The following SEMA5A variants were observed in gnomAD, a reference collection of about 807,000 sequenced individuals.
SEMA5A encodes semaphorin-5A.
In SEMA5A, 55 loss-of-function variants were observed where a neutral mutation model predicts 135.5. The observed-to-expected ratio is 0.41, with a 90% CI of 0.33 to 0.51. SEMA5A has a LOEUF of 0.51. SEMA5A is among the 20% of genes least tolerant of loss of function. The pLI, the probability that SEMA5A is intolerant of heterozygous loss-of-function variation, is 0.37. For synonymous variants in SEMA5A, 580 were observed against 546.5 expected (o/e 1.06, Z -0.85); for missense variants, 1,290 against 1,419.9 (o/e 0.91, Z 1.47).
chr5:9,461,134 C>G (rs1759042591), intron 1 of SEMA5A, among the ~76,000 whole-genome samples: 1 of 152,156 alleles, frequency 6.6e-6, no homozygotes, highest in African/African-American at 2.4e-5. Context: ...ATACACTTAG[C>G]ATAGAGATTT....
chr5:9,156,483 T>C (rs1447833588), intron 11 of SEMA5A, among the ~76,000 whole-genome samples: 6 of 152,170 alleles, frequency 3.9e-5, no homozygotes, highest in Non-Finnish European at 7.3e-5. Context: ...GTGATGGGCA[T>C]AGAGCCTGTG....
At chr5:9,102,956 C>T (rs543799156) in intron 16 of SEMA5A, among the ~76,000 whole-genome samples, 1 of 152,194 alleles carries the variant, frequency 6.6e-6, no homozygotes, top group East Asian at 1.9e-4. Flanking sequence ...ACAGCTGAGA[C>T]TGTTGAGAAA....
intron 12 of SEMA5A, among the ~76,000 whole-genome samples, chr5:9,138,782 A>G (rs1741903518): frequency 6.6e-6 from 1 of 152,124 alleles, no homozygotes; most frequent in South Asian, 2.1e-4. Flanking sequence ...CTGAGTCCCC[A>G]AAGTCCATTG....
intron 5 of SEMA5A, chr5:9,265,667 G>A: frequency 4.9e-6 from 2 of 406,954 alleles, no homozygotes; most frequent in South Asian, 3.5e-5. Flanking sequence ...ACAAACAAAA[G>A]GAAATTAAAA....
chr5:9,267,328 G>T (rs1475919656), intron 5 of SEMA5A, among the ~76,000 whole-genome samples: 1 of 152,046 alleles, frequency 6.6e-6, no homozygotes, highest in Non-Finnish European at 1.5e-5. Context: ...TCAAGCTGTT[G>T]CCCGATCCAC....
intron 3 of SEMA5A, among the ~76,000 whole-genome samples, chr5:9,349,977 T>A (rs901171672): frequency 2.0e-5 from 3 of 152,094 alleles, no homozygotes; most frequent in African/African-American, 7.2e-5. Flanking sequence ...TCTTTGTGTA[T>A]GTGTATTCTA....
intron 11 of SEMA5A, among the ~76,000 whole-genome samples, chr5:9,165,518 G>T (rs977520880): frequency 6.6e-6 from 1 of 152,172 alleles, no homozygotes; most frequent in African/African-American, 2.4e-5. Context: ...TGGCACCCCT[G>T]ACAATGGTCA....
At chr5:9,226,735 A>G (rs1747330843) in intron 7 of SEMA5A, 134 bp downstream of exon 7, 1 of 534,722 alleles carries the variant, frequency 1.9e-6, no homozygotes, top group South Asian at 2.8e-5. Context: ...ATATTTATTC[A>G]ATTTGACAAA....
intron 16 of SEMA5A, among the ~76,000 whole-genome samples, chr5:9,097,021 A>G (rs943583098): frequency 4.6e-5 from 7 of 152,214 alleles, no homozygotes; most frequent in African/African-American, 1.7e-4. Context: ...TATAGTAATC[A>G]TATGACTATA....
chr5:9,410,274 G>T (rs951062707), intron 2 of SEMA5A, among the ~76,000 whole-genome samples: 1 of 152,094 alleles, frequency 6.6e-6, no homozygotes, highest in Non-Finnish European at 1.5e-5. Flanking sequence ...TGGATACTAA[G>T]ATCTTATTTA....
intron 12 of SEMA5A, among the ~76,000 whole-genome samples, chr5:9,148,694 C>T (rs933586000): frequency 2.0e-5 from 3 of 152,102 alleles, no homozygotes; most frequent in Non-Finnish European, 4.4e-5. Context: ...AGTCCTCCTG[C>T]TGCACTGTCA....
rs150952790 is a variant in SEMA5A, at chr5:9,190,433, G to A, written c.1107C>T (p.Thr369=). ...TVDQGLYVNL[T]ERNLQDAQKF... The stretch of plus-strand genomic sequence containing the variant: ...TCTGAGCATCCTGCAGATTTCTCTC[G>A]GTCAGGTTCACGTACAGGCCCTGGT... The change falls in exon 11 of 23, where the codon ACC becomes ACT. Residue 369 remains threonine, a synonymous_variant. Transcript: ENST00000382496. 1.5e-4 allele frequency: 250 copies of A among 1,613,784 alleles called. 2 individuals are homozygous for A. The East Asian group carries it at 1.8e-3, about 12-fold the overall frequency.
intron 11 of SEMA5A, among the ~76,000 whole-genome samples, chr5:9,187,865 C>T (rs1744892597): frequency 6.6e-6 from 1 of 152,226 alleles, no homozygotes; most frequent in Non-Finnish European, 1.5e-5. Flanking sequence ...GAGTCCTGAG[C>T]TACTCTCAAC....
intron 3 of SEMA5A, among the ~76,000 whole-genome samples, chr5:9,355,885 G>A (rs1754420549): frequency 6.6e-6 from 1 of 152,166 alleles, no homozygotes; most frequent in East Asian, 1.9e-4. Context: ...CATTAGGAGG[G>A]TCATCTTATT....
At chr5:9,475,385 G>C (rs1239036298) in intron 1 of SEMA5A, among the ~76,000 whole-genome samples, 1 of 152,162 alleles carries the variant, frequency 6.6e-6, no homozygotes, top group Non-Finnish European at 1.5e-5. Context: ...GCCTTGGTTA[G>C]ATTTTCCAAA....
At chr5:9,202,378 CCGT>C in intron 8 of SEMA5A, 138 bp from the exon 9 acceptor site, 1 of 640,772 alleles carries the variant, frequency 1.6e-6, no homozygotes, top group Non-Finnish European at 2.4e-6. Flanking sequence ...TTGGGAGGCC[CCGT>C]GAGCAGCTTA....
At chr5:9,497,388 T>A (rs917759790) in intron 1 of SEMA5A, among the ~76,000 whole-genome samples, 3 of 152,202 alleles carry the variant, frequency 2.0e-5, no homozygotes, top group African/African-American at 7.2e-5. Context: ...GTCCATACGG[T>A]TCAGACACAA....
At position 9,154,045 on chromosome 5, in the gene SEMA5A, CAAAAAAA is replaced by C. The variant is rs1157417525; in HGVS notation, c.1481+436_1481+442del. Among the ~76,000 whole-genome samples the C allele has an allele frequency of 1.7e-3, 59 of 34,190 alleles. 3 individuals are homozygous for C. Among genetic ancestry groups the C allele is most frequent in the Middle Eastern group, 0.015 (1 of 68 alleles). 22.4% of individuals were successfully genotyped at this position (34,190 alleles called of 152,430 possible). On this transcript the variant is annotated intron_variant, in intron 12 of 22. Transcript: ENST00000382496. Reference sequence around the variant, plus strand: ...TGGGTGACAGAGTGAGACTGTGTCTCAAAAAAAAAAAAAAAAAATATATATATATATA... The same window carrying C: ...TGGGTGACAGAGTGAGACTGTGTCTCAAAAAAAAAAATATATATATATATA...
At chr5:9,524,622 A>T (rs1016427695) in intron 1 of SEMA5A, among the ~76,000 whole-genome samples, 1 of 152,160 alleles carries the variant, frequency 6.6e-6, no homozygotes, top group Non-Finnish European at 1.5e-5. Flanking sequence ...CTCTTGCTTT[A>T]AGCCACCGAG....
Sources: allele counts gnomAD v4.1 joint callset (sites outside exome capture counted in the v4.1 genomes callset), GRCh38; gene constraint gnomAD v4.1.1; transcripts MANE v1.5; gene names NCBI Gene and HGNC (gene_info 2026-07-23, HGNC 2026-07-21).